Variants in MSRA observed in about 807,000 individuals in gnomAD.
MSRA encodes the protein mitochondrial peptide methionine sulfoxide reductase.
Under a neutral mutation model 31.3 loss-of-function variants are expected in MSRA, and 54 were observed. That is an observed-to-expected ratio of 1.73 (90% CI 1.39 to 2.17). The LOEUF (loss-of-function observed/expected upper bound fraction) is 2.17, where lower values mean the gene tolerates loss of function less well. Among genes scored for constraint, MSRA ranks in the 30% most tolerant of loss-of-function variants. The pLI is 0.00. For synonymous variants in MSRA, 169 were observed against 116.5 expected, an observed-to-expected ratio of 1.45 and a Z score of -2.90; for missense variants, 507 against 300.9, an observed-to-expected ratio of 1.69 and a Z score of -5.07.
intron 5 of MSRA, among the ~76,000 whole-genome samples, chr8:10,323,904 T>A (rs967237693): frequency 1.3e-5 from 2 of 152,182 alleles, no homozygotes; most frequent in Non-Finnish European, 2.9e-5. Context: ...CTGCTCACAT[T>A]ACTGCATATA....
At chr8:10,316,564 CTCT>C (rs1563342474) in intron 4 of MSRA, among the ~76,000 whole-genome samples, 2 of 107,048 alleles carry the variant, frequency 1.9e-5, no homozygotes, top group Non-Finnish European at 4.0e-5. Flanking sequence ...CTCTCTCTCT[CTCT>C]CTCTCTCCTT....
At chr8:10,332,294 T>C (rs1189266844) in intron 5 of MSRA, among the ~76,000 whole-genome samples, 2 of 152,216 alleles carry the variant, frequency 1.3e-5, no homozygotes, top group Admixed American at 1.3e-4. Context: ...CATGGGTAAA[T>C]GTCAGTTGAT....
At chr8:10,096,090 C>A (rs1371675941) in intron 1 of MSRA, 2 of 1,330,932 alleles carry the variant, frequency 1.5e-6, no homozygotes, top group Admixed American at 6.0e-5. Flanking sequence ...CATTTATAGA[C>A]ATTAACTTTT....
At chr8:10,216,728 C>G (rs972694361) in intron 2 of MSRA, among the ~76,000 whole-genome samples, 2 of 152,188 alleles carry the variant, frequency 1.3e-5, no homozygotes, top group South Asian at 4.1e-4. Flanking sequence ...AAAGTTCATC[C>G]ATGTTGTATT....
intron 2 of MSRA, among the ~76,000 whole-genome samples, chr8:10,219,932 C>CT (rs148007214): frequency 0.026 from 3,858 of 146,724 alleles, 157 homozygotes; most frequent in African/African-American, 0.091. Context: ...AGTGCCAGTT[C>CT]TTTTTTTTCA....
intron 5 of MSRA, among the ~76,000 whole-genome samples, chr8:10,348,319 A>T (rs1313581031): frequency 6.7e-6 from 1 of 150,318 alleles, no homozygotes; most frequent in Non-Finnish European, 1.5e-5. Flanking sequence ...CAGCATGGCC[A>T]AATGCCTATT....
intron 2 of MSRA, among the ~76,000 whole-genome samples, chr8:10,240,800 C>A (rs1812343674): frequency 1.3e-5 from 2 of 152,050 alleles, no homozygotes; most frequent in Admixed American, 1.3e-4. Flanking sequence ...CAGCCTGCAC[C>A]CATATAACAA....
chr8:10,062,997 A>G (rs757766189), intron 1 of MSRA, among the ~76,000 whole-genome samples: 1 of 152,250 alleles, frequency 6.6e-6, no homozygotes, highest in East Asian at 1.9e-4. Context: ...CACGCTTCCA[A>G]CCACCCTCGT....
chr8:10,115,376 C>G (rs183632438), intron 1 of MSRA, among the ~76,000 whole-genome samples: 1 of 152,144 alleles, frequency 6.6e-6, no homozygotes, highest in Non-Finnish European at 1.5e-5. Flanking sequence ...CAGCCACAGC[C>G]AGGAACAGTA....
intron 1 of MSRA, among the ~76,000 whole-genome samples, chr8:10,160,937 T>G (rs1353117777): frequency 3.3e-5 from 5 of 152,228 alleles, no homozygotes; most frequent in Non-Finnish European, 5.9e-5. Context: ...TATGACTGCA[T>G]TAGTGCAGCA....
chr8:10,084,189 GCCT>G (rs888416135), intron 1 of MSRA, among the ~76,000 whole-genome samples: 1 of 152,206 alleles, frequency 6.6e-6, no homozygotes, highest in African/African-American at 2.4e-5. Flanking sequence ...CTGATTTCTG[GCCT>G]CCTGAGGATG....
chr8:10,237,607 T>C (rs1232841730), intron 2 of MSRA, among the ~76,000 whole-genome samples: 1 of 152,190 alleles, frequency 6.6e-6, no homozygotes, highest in Non-Finnish European at 1.5e-5. Flanking sequence ...TAAGAAGACT[T>C]ACTCTACTAG....
At chr8:10,373,562 C>T (rs1308123328) in intron 5 of MSRA, among the ~76,000 whole-genome samples, 3 of 152,224 alleles carry the variant, frequency 2.0e-5, no homozygotes, top group Non-Finnish European at 4.4e-5. Context: ...TGACACAGCA[C>T]TAAGTTGCTG....
At chr8:10,330,865 T>C (rs1312062440) in intron 5 of MSRA, among the ~76,000 whole-genome samples, 1 of 152,182 alleles carries the variant, frequency 6.6e-6, no homozygotes, top group Non-Finnish European at 1.5e-5. Flanking sequence ...ACCGAATATC[T>C]GTGTCCCCCC....
At chr8:10,073,903 C>G (rs1797860484) in intron 1 of MSRA, among the ~76,000 whole-genome samples, 1 of 151,822 alleles carries the variant, frequency 6.6e-6, no homozygotes, top group Non-Finnish European at 1.5e-5. Flanking sequence ...GATTCTCTGA[C>G]TGTTCCTATA....
At chr8:10,265,606 G>A (rs938568278) in intron 3 of MSRA, among the ~76,000 whole-genome samples, 1 of 152,184 alleles carries the variant, frequency 6.6e-6, no homozygotes, top group African/African-American at 2.4e-5. Context: ...GTTGAATTGG[G>A]CTGTAAGTGA....
At chr8:10,220,344 C>G (rs1396551603) in intron 2 of MSRA, among the ~76,000 whole-genome samples, 2 of 152,120 alleles carry the variant, frequency 1.3e-5, no homozygotes, top group Admixed American at 1.3e-4. Context: ...CAGATTTCAG[C>G]TGGGATTCCA....
chr8:10,210,231 C>T (rs368926018), intron 2 of MSRA, among the ~76,000 whole-genome samples: 26 of 152,258 alleles, frequency 1.7e-4, no homozygotes, highest in African/African-American at 5.1e-4. Flanking sequence ...CTCTTCCTAG[C>T]GAGGCCATGT....
intron 2 of MSRA, among the ~76,000 whole-genome samples, chr8:10,231,599 G>T (rs1309901758): frequency 6.6e-6 from 1 of 152,144 alleles, no homozygotes; most frequent in African/African-American, 2.4e-5. Context: ...ATAGAAAGAG[G>T]CTGCTCTAAG....
Sources: gnomAD v4.1 joint callset for allele counts (sites outside exome capture counted in the v4.1 genomes callset) on GRCh38, gnomAD v4.1.1 for gene constraint, MANE v1.5 for transcripts, NCBI Gene and HGNC (gene_info 2026-07-23, HGNC 2026-07-21) for gene names.